Variants in OSBPL8 observed in about 807,000 individuals in gnomAD.
OSBPL8 encodes oxysterol-binding protein-related protein 8.
OSBPL8 carries 59 observed loss-of-function variants against 125.5 expected under a neutral mutation model. The observed-to-expected ratio is 0.47, with a 90% CI of 0.38 to 0.58. The LOEUF is 0.58. Ranked by LOEUF, OSBPL8 falls within the 20% of genes least tolerant of loss-of-function variation. OSBPL8 has a pLI of 0.00. For missense variants in OSBPL8, 758 were observed against 1,047.8 expected (o/e 0.72, Z 3.82); for synonymous variants, 330 against 338.9 (o/e 0.97, Z 0.29).
At chr12:76,545,872 ACT>A (rs1385498219) in intron 1 of OSBPL8, among the ~76,000 whole-genome samples, 2 of 152,274 alleles carry the variant, frequency 1.3e-5, no homozygotes, top group African/African-American at 2.4e-5. Flanking sequence ...GTTCCTAAAG[ACT>A]CTGATCAACG....
At chr12:76,480,730 T>C (rs1172542280) in intron 2 of OSBPL8, among the ~76,000 whole-genome samples, 1 of 152,114 alleles carries the variant, frequency 6.6e-6, no homozygotes, top group African/African-American at 2.4e-5. Flanking sequence ...ACCACAGACT[T>C]TGGGTTATCC....
chr12:76,462,602 AT>A (rs1330478477), intron 2 of OSBPL8, among the ~76,000 whole-genome samples: 7 of 151,890 alleles, frequency 4.6e-5, no homozygotes, highest in Admixed American at 1.3e-4. Flanking sequence ...AGTAAGACAG[AT>A]GAACATTAAC....
intron 4 of OSBPL8, among the ~76,000 whole-genome samples, chr12:76,421,622 T>C (rs1302476642): frequency 1.3e-5 from 2 of 152,096 alleles, no homozygotes; most frequent in East Asian, 3.8e-4. Context: ...AAAATCTAAG[T>C]GTCAGAAAAA....
At chr12:76,466,706 C>A (rs1271443170) in intron 2 of OSBPL8, among the ~76,000 whole-genome samples, 1 of 152,084 alleles carries the variant, frequency 6.6e-6, no homozygotes, top group African/African-American at 2.4e-5. Flanking sequence ...TGCCTGTAAT[C>A]CCAGCACTTT....
chr12:76,549,981 A>G (rs1950890781), intron 1 of OSBPL8, among the ~76,000 whole-genome samples: 1 of 152,104 alleles, frequency 6.6e-6, no homozygotes, highest in South Asian at 2.1e-4. Context: ...AAGAGTAAGG[A>G]GAAAGGAAGT....
At chr12:76,491,086 A>G (rs1364629465) in intron 1 of OSBPL8, among the ~76,000 whole-genome samples, 1 of 152,050 alleles carries the variant, frequency 6.6e-6, no homozygotes, top group Non-Finnish European at 1.5e-5. Flanking sequence ...TTGTTCACTC[A>G]CTCACTCCCT....
intron 1 of OSBPL8, among the ~76,000 whole-genome samples, chr12:76,546,657 G>T (rs1001990652): frequency 6.6e-6 from 1 of 151,862 alleles, no homozygotes; most frequent in Non-Finnish European, 1.5e-5. Context: ...GGATTCAATC[G>T]GTCAACAAGA....
chr12:76,399,853 A>T lies in OSBPL8; in HGVS notation c.468+20T>A. ...GGTAAACATCCAGCAATCTGAATTCATGATTCAAAACACACTGACCTTTAA... is the reference window on the plus strand; with the variant it reads ...GGTAAACATCCAGCAATCTGAATTCTTGATTCAAAACACACTGACCTTTAA... On this transcript the variant is annotated intron_variant, in intron 7 of 23. Coordinates refer to ENST00000261183, the MANE Select transcript of OSBPL8 (RefSeq NM_020841.5). 1 of 1,557,332 alleles carries T rather than the reference A, an allele frequency of 6.4e-7. No individual in the cohort carries two copies. Among genetic ancestry groups the T allele is most frequent in the Non-Finnish European group, 8.7e-7 (1 of 1,154,850 alleles).
intron 2 of OSBPL8, among the ~76,000 whole-genome samples, chr12:76,462,242 T>C (rs1874828794): frequency 6.6e-6 from 1 of 152,218 alleles, no homozygotes; most frequent in African/African-American, 2.4e-5. Flanking sequence ...TTAACAGCAC[T>C]ATGTCAACTG....
intron 4 of OSBPL8, among the ~76,000 whole-genome samples, chr12:76,411,713 T>TA (rs760020904): frequency 5.9e-5 from 9 of 151,710 alleles, no homozygotes; most frequent in East Asian, 1.9e-4. Context: ...AAATAAAATG[T>TA]AAAAAAAATG....
intron 1 of OSBPL8, among the ~76,000 whole-genome samples, chr12:76,522,853 ATATT>A (rs1198544421): frequency 6.6e-6 from 1 of 152,134 alleles, no homozygotes; most frequent in Non-Finnish European, 1.5e-5. Context: ...GTAAATTCCT[ATATT>A]TATTTATTTA....
intron 4 of OSBPL8, among the ~76,000 whole-genome samples, chr12:76,427,540 TAAAA>T (rs145544422): frequency 2.0e-5 from 3 of 151,252 alleles, no homozygotes; most frequent in Non-Finnish European, 4.4e-5. Context: ...CTTCAATAAT[TAAAA>T]AAAAACTACT....
chr12:76,503,170 T>C (rs1880076523), intron 1 of OSBPL8, among the ~76,000 whole-genome samples: 1 of 152,220 alleles, frequency 6.6e-6, no homozygotes, highest in South Asian at 2.1e-4. Context: ...AGCGTTGCCA[T>C]AATAAAATAC....
At chr12:76,369,155 T>C (rs578055352) in intron 21 of OSBPL8, 59 bp downstream of exon 21, 22 of 1,566,230 alleles carry the variant, frequency 1.4e-5, no homozygotes, top group Admixed American at 8.2e-5. Context: ...TTGGTTGCTA[T>C]AGATACTAAA....
At position 76,384,300 on chromosome 12, in the gene OSBPL8, A is replaced by G. The variant is rs1953198594; in HGVS notation, c.1584T>C (p.Asp528=). 6.4e-7 allele frequency: 1 copy of G among 1,571,330 alleles called. No individual in the cohort carries two copies. Among genetic ancestry groups the G allele is most frequent in the Non-Finnish European group, 8.7e-7 (1 of 1,152,544 alleles). Residue 528 remains aspartate, a synonymous_variant, in exon 15 of 24, where the codon GAT becomes GAC. Transcript: ENST00000261183. ...ISAFYVSNRK[D]GFCLSGSILA... is the part of the protein sequence containing the mutation. Reference sequence around the variant, plus strand: ...GGATACTACCGCTAAGGCAAAATCCATCTTTTCGATTACTAACATAAAAGG... The same window carrying G: ...GGATACTACCGCTAAGGCAAAATCCGTCTTTTCGATTACTAACATAAAAGG...
At chr12:76,356,162 T>TGGGGGGGGGGGGGGGGGTTTGGGGGGG in intron 23 of OSBPL8, 141 bp from the exon 24 acceptor site, 1 of 131,834 alleles carries the variant, frequency 7.6e-6, no homozygotes, top group Non-Finnish European at 1.6e-5. Context: ...TATGTAGGGG[T>TGGGGGGGGGGGGGGGGGTTTGGGGGGG]GGGGGGGGGC....
chr12:76,390,517 G>A lies in OSBPL8; in HGVS notation c.1070C>T (p.Thr357Ile). ...MGKSEESDTD[T>I]SERQDDSYIE... ...ATATGAGTCATCTTGTCTTTCTGAT[G>A]TATCTGTGTCACTTTCTTCACTTTT... is the stretch of plus-strand genomic sequence containing the variant. Residue 357 changes from threonine to isoleucine, a missense_variant, in exon 11 of 24, where the codon ACA (threonine) becomes ATA (isoleucine). Physicochemically the swap from Thr to Ile is moderately conservative, Grantham distance 89 (BLOSUM62 -1). Transcript: ENST00000261183. The A allele has an allele frequency of 1.2e-6, 2 of 1,613,808 alleles. No homozygotes were observed. The highest frequency in any genetic ancestry group is 1.7e-6 in the Non-Finnish European group (2 of 1,179,868).
intron 22 of OSBPL8, among the ~76,000 whole-genome samples, chr12:76,357,402 G>T (rs917958614): frequency 1.3e-5 from 2 of 152,144 alleles, no homozygotes; most frequent in African/African-American, 2.4e-5. Context: ...GGATGACAGG[G>T]TGAATTAAGG....
At chr12:76,426,998 G>A (rs1370280224) in intron 4 of OSBPL8, among the ~76,000 whole-genome samples, 1 of 152,010 alleles carries the variant, frequency 6.6e-6, no homozygotes, top group African/African-American at 2.4e-5. Flanking sequence ...GTAATCACCG[G>A]TGTTTAATTA....
Sources: allele counts gnomAD v4.1 joint callset (sites outside exome capture counted in the v4.1 genomes callset), GRCh38; gene constraint gnomAD v4.1.1; transcripts MANE v1.5; gene names NCBI Gene and HGNC (gene_info 2026-07-23, HGNC 2026-07-21).